NELL1: variants seen among roughly 807,000 people sequenced by gnomAD.
NELL1 encodes protein kinase C-binding protein NELL1.
Under a neutral mutation model 107.4 loss-of-function variants are expected in NELL1, and 76 were observed. That is an observed-to-expected ratio of 0.71 (90% CI 0.59 to 0.86). The LOEUF (loss-of-function observed/expected upper bound fraction) is 0.86. Ranked by LOEUF, NELL1 falls within the 40% of genes least tolerant of loss-of-function variation. The pLI is 0.00. For missense variants in NELL1, 1,024 were observed against 1,005.5 expected, an observed-to-expected ratio of 1.02 and a Z score of -0.25; for synonymous variants, 353 against 341.2, an observed-to-expected ratio of 1.03 and a Z score of -0.38.
chr11:20,737,285 G>T (rs979766226), intron 2 of NELL1, among the ~76,000 whole-genome samples: 3 of 152,028 alleles, frequency 2.0e-5, no homozygotes, highest in African/African-American at 7.2e-5. Context: ...ACAAAATTTG[G>T]AACAGGGGTA....
intron 15 of NELL1, among the ~76,000 whole-genome samples, chr11:21,491,623 A>G (rs866884168): frequency 3.3e-5 from 5 of 152,280 alleles, no homozygotes; most frequent in African/African-American, 1.2e-4. Flanking sequence ...GTTTGAAGTC[A>G]GGTAGCATGA....
intron 2 of NELL1, among the ~76,000 whole-genome samples, chr11:20,726,145 A>C (rs1009731462): frequency 8.5e-5 from 13 of 152,154 alleles, no homozygotes; most frequent in Non-Finnish European, 1.8e-4. Flanking sequence ...CTAATTTACC[A>C]CTGATGGGCA....
At chr11:21,416,761 C>G (rs1350089287) in intron 15 of NELL1, among the ~76,000 whole-genome samples, 2 of 151,854 alleles carry the variant, frequency 1.3e-5, no homozygotes, top group East Asian at 3.9e-4. Flanking sequence ...GGGAATGGCA[C>G]TAGAAGCAAC....
At chr11:20,932,232 A>T (rs1850633620) in intron 9 of NELL1, among the ~76,000 whole-genome samples, 1 of 152,150 alleles carries the variant, frequency 6.6e-6, no homozygotes, top group South Asian at 2.1e-4. Flanking sequence ...CATAATCACA[A>T]TCTCCAGGCA....
chr11:21,055,242 A>T (rs1565035965), intron 12 of NELL1, among the ~76,000 whole-genome samples: 1 of 152,158 alleles, frequency 6.6e-6, no homozygotes, highest in African/African-American at 2.4e-5. Flanking sequence ...TCATCAGGTT[A>T]TACATATTTT....
At chr11:21,365,218 G>A (rs1851192136) in intron 14 of NELL1, among the ~76,000 whole-genome samples, 1 of 152,054 alleles carries the variant, frequency 6.6e-6, no homozygotes, top group South Asian at 2.1e-4. Flanking sequence ...GAGATTCTTG[G>A]GGATGGGGAC....
At chr11:21,130,445 T>G (rs1441035363) in intron 13 of NELL1, among the ~76,000 whole-genome samples, 2 of 152,046 alleles carry the variant, frequency 1.3e-5, no homozygotes, top group African/African-American at 4.8e-5. Flanking sequence ...AGGAACAGAG[T>G]TTTGGGTGGG....
chr11:20,753,305 C>A lies in NELL1; in HGVS notation c.185-30375C>A, dbSNP rs538288441. ...TTGTATTCCAAAAAGCATAGGATAG[C>A]AGAGCCTAGTGATCTTAATATCTCT... On this transcript the variant is annotated intron_variant, in intron 2 of 19. Transcript: ENST00000357134. Among the ~76,000 whole-genome samples the A allele has an allele frequency of 1.2e-3, 185 of 152,302 alleles. 1 individual carries two copies. Among genetic ancestry groups the A allele is most frequent in the African/African-American group, 4.2e-3 (175 of 41,568 alleles).
chr11:21,267,225 C>G (rs1848653232), intron 14 of NELL1, among the ~76,000 whole-genome samples: 1 of 151,912 alleles, frequency 6.6e-6, no homozygotes, highest in African/African-American at 2.4e-5. Context: ...AGTGATCATT[C>G]AAATAGTGTG....
chr11:20,876,216 TG>T (rs1419628529), intron 4 of NELL1, among the ~76,000 whole-genome samples: 8 of 152,350 alleles, frequency 5.3e-5, no homozygotes, highest in African/African-American at 1.7e-4. Context: ...CCTTACCTGT[TG>T]GGGGCATACT....
At chr11:21,225,595 T>C (rs915521787) in intron 13 of NELL1, among the ~76,000 whole-genome samples, 1 of 152,234 alleles carries the variant, frequency 6.6e-6, no homozygotes, top group Non-Finnish European at 1.5e-5. Flanking sequence ...GGTTATCTAC[T>C]GGTTGTTGTG....
chr11:21,160,782 C>G (rs1324033662), intron 13 of NELL1, among the ~76,000 whole-genome samples: 1 of 152,100 alleles, frequency 6.6e-6, no homozygotes, highest in Non-Finnish European at 1.5e-5. Context: ...ATTACTATTT[C>G]CACAGTATTC....
intron 15 of NELL1, among the ~76,000 whole-genome samples, chr11:21,516,892 T>C (rs9704246): frequency 0.13 from 20,398 of 151,200 alleles, 1,500 homozygotes; most frequent in Admixed American, 0.2. Flanking sequence ...GCAACCTCCG[T>C]CTCCCAGGGT....
chr11:21,246,833 T>TTTGCC (rs1295829090), intron 14 of NELL1, among the ~76,000 whole-genome samples: 1 of 152,136 alleles, frequency 6.6e-6, no homozygotes, highest in African/African-American at 2.4e-5. Context: ...AGGCACACCT[T>TTTGCC]ACATGGTGGC....
chr11:21,570,353 A>T (rs1857071368), intron 17 of NELL1, among the ~76,000 whole-genome samples: 1 of 151,792 alleles, frequency 6.6e-6, no homozygotes, highest in African/African-American at 2.4e-5. Context: ...CACGGTTGGG[A>T]CAGGGATATA....
chr11:21,346,060 T>C (rs901664608), intron 14 of NELL1, among the ~76,000 whole-genome samples: 19 of 152,210 alleles, frequency 1.2e-4, no homozygotes, highest in African/African-American at 4.1e-4. Flanking sequence ...TAAGTCAAAC[T>C]GGCTTAAGAT....
intron 14 of NELL1, among the ~76,000 whole-genome samples, chr11:21,290,938 C>G (rs767648782): frequency 3.8e-4 from 58 of 152,252 alleles, no homozygotes; most frequent in Non-Finnish European, 8.4e-4. Context: ...CTCTTCTCCC[C>G]CAAAGCATCA....
At chr11:21,391,814 C>T (rs1157499758) in intron 15 of NELL1, among the ~76,000 whole-genome samples, 1 of 151,710 alleles carries the variant, frequency 6.6e-6, no homozygotes, top group Non-Finnish European at 1.5e-5. Flanking sequence ...TTCACCTTTT[C>T]TTAAACATTC....
intron 14 of NELL1, among the ~76,000 whole-genome samples, chr11:21,293,949 A>C (rs1001668938): frequency 9.9e-5 from 15 of 152,138 alleles, no homozygotes; most frequent in African/African-American, 3.6e-4. Context: ...GGACTAGGGG[A>C]GGGATAGCAA....
Sources: gnomAD v4.1 joint callset for allele counts (sites outside exome capture counted in the v4.1 genomes callset) on GRCh38, gnomAD v4.1.1 for gene constraint, MANE v1.5 for transcripts, NCBI Gene and HGNC (gene_info 2026-07-23, HGNC 2026-07-21) for gene names.